Variants in SGCZ observed in about 807,000 individuals in gnomAD.
SGCZ encodes the protein sarcoglycan zeta, also known as zeta-sarcoglycan.
SGCZ carries 40 observed loss-of-function variants against 41.3 expected under a neutral mutation model. The observed-to-expected ratio is 0.97, with a 90% CI of 0.75 to 1.26. SGCZ has a LOEUF of 1.26. Ranked by LOEUF, SGCZ falls within the 50% of genes most tolerant of loss-of-function variation. SGCZ has a pLI of 0.00. For missense variants in SGCZ, 552 were observed against 369.8 expected (o/e 1.49, Z -4.04); for synonymous variants, 206 against 137.5 (o/e 1.50, Z -3.49).
chr8:14,967,514 G>A (rs1432617437), intron 1 of SGCZ, among the ~76,000 whole-genome samples: 2 of 152,032 alleles, frequency 1.3e-5, no homozygotes, highest in Non-Finnish European at 2.9e-5. Context: ...CTGATTTCCA[G>A]ACTCTCATAC....
At chr8:15,037,991 AGAAT>A (rs1803931802) in intron 1 of SGCZ, among the ~76,000 whole-genome samples, 2 of 152,160 alleles carry the variant, frequency 1.3e-5, no homozygotes, top group African/African-American at 4.8e-5. Context: ...TCATGTTCAT[AGAAT>A]GAAATAATTA....
chr8:14,297,256 G>A (rs1193080614), intron 3 of SGCZ, among the ~76,000 whole-genome samples: 2 of 151,814 alleles, frequency 1.3e-5, no homozygotes, highest in African/African-American at 4.8e-5. Context: ...TATAATTTGA[G>A]GATATAGATA....
At chr8:14,328,015 T>G (rs1241241587) in intron 2 of SGCZ, among the ~76,000 whole-genome samples, 1 of 152,194 alleles carries the variant, frequency 6.6e-6, no homozygotes, top group Non-Finnish European at 1.5e-5. Flanking sequence ...AACACCGTGT[T>G]GTAAATCTAA....
chr8:14,848,163 A>G (rs1338550767), intron 1 of SGCZ, among the ~76,000 whole-genome samples: 4 of 152,200 alleles, frequency 2.6e-5, no homozygotes, highest in Non-Finnish European at 5.9e-5. Flanking sequence ...TATGGTAAAT[A>G]ATGTTAGACA....
chr8:14,804,070 C>T (rs1467964715), intron 1 of SGCZ, among the ~76,000 whole-genome samples: 15 of 113,492 alleles, frequency 1.3e-4, no homozygotes, highest in African/African-American at 6.3e-4. Flanking sequence ...ACACCGAAAA[C>T]CCATCTGTAC....
At chr8:14,895,346 G>A (rs1474935823) in intron 1 of SGCZ, among the ~76,000 whole-genome samples, 2 of 152,044 alleles carry the variant, frequency 1.3e-5, no homozygotes, top group African/African-American at 4.8e-5. Flanking sequence ...GATCGAATGA[G>A]TTAAATAATT....
intron 1 of SGCZ, among the ~76,000 whole-genome samples, chr8:15,119,552 ACC>A (rs1563136331): frequency 7.1e-6 from 1 of 140,946 alleles, no homozygotes; most frequent in African/African-American, 3.2e-5. Context: ...AAAAAAAAAA[ACC>A]CTCCTAATTT....
chr8:14,204,220 T>C (rs1805545650), intron 4 of SGCZ, among the ~76,000 whole-genome samples: 1 of 151,780 alleles, frequency 6.6e-6, no homozygotes, highest in South Asian at 2.1e-4. Flanking sequence ...TTTGTTTGTG[T>C]CATATCTGTT....
chr8:14,274,794 C>G (rs1800174205), intron 3 of SGCZ, among the ~76,000 whole-genome samples: 1 of 151,968 alleles, frequency 6.6e-6, no homozygotes, highest in Admixed American at 6.5e-5. Context: ...ATAAGAAACA[C>G]TATTATCAAA....
intron 4 of SGCZ, among the ~76,000 whole-genome samples, chr8:14,196,065 A>G (rs1459706104): frequency 6.6e-6 from 1 of 152,126 alleles, no homozygotes; most frequent in East Asian, 1.9e-4. Context: ...TGGCTACTGT[A>G]TCTCTACAGT....
intron 2 of SGCZ, among the ~76,000 whole-genome samples, chr8:14,479,731 CTTTTTTTTT>C (rs529812029): frequency 4.2e-4 from 22 of 52,974 alleles, no homozygotes; most frequent in Non-Finnish European, 7.8e-4. Flanking sequence ...AATTCTACTT[CTTTTTTTTT>C]TTTTTTTTTT....
chr8:14,338,033 C>A (rs1190836666), intron 2 of SGCZ, among the ~76,000 whole-genome samples: 3 of 152,152 alleles, frequency 2.0e-5, no homozygotes, highest in Non-Finnish European at 4.4e-5. Flanking sequence ...AGGTCCTGTT[C>A]AATTGGTAGC....
At chr8:14,774,917 G>C (rs1800354912) in intron 1 of SGCZ, among the ~76,000 whole-genome samples, 1 of 151,998 alleles carries the variant, frequency 6.6e-6, no homozygotes, top group Non-Finnish European at 1.5e-5. Context: ...CTATATTAAG[G>C]GCCTTTGAAG....
At chr8:15,049,862 C>T (rs1431214380) in intron 1 of SGCZ, among the ~76,000 whole-genome samples, 1 of 152,138 alleles carries the variant, frequency 6.6e-6, no homozygotes, top group Non-Finnish European at 1.5e-5. Flanking sequence ...CCTGCACAAG[C>T]TGTCTTGCCT....
At chr8:14,654,629 T>C (rs558560122) in intron 1 of SGCZ, among the ~76,000 whole-genome samples, 9 of 152,146 alleles carry the variant, frequency 5.9e-5, no homozygotes, top group Non-Finnish European at 1.3e-4. Flanking sequence ...TGGAATGCAA[T>C]GGCGTGATCT....
intron 2 of SGCZ, among the ~76,000 whole-genome samples, chr8:14,490,622 T>C (rs1423752630): frequency 6.6e-6 from 1 of 152,202 alleles, no homozygotes; most frequent in Non-Finnish European, 1.5e-5. Flanking sequence ...AGTGTTGATT[T>C]GATCATCCAA....
At chr8:15,214,783 C>T (rs1432560939) in intron 1 of SGCZ, among the ~76,000 whole-genome samples, 1 of 152,094 alleles carries the variant, frequency 6.6e-6, no homozygotes, top group East Asian at 1.9e-4. Context: ...CCTATCTAGG[C>T]CGCTGATGGT....
chr8:14,747,660 CATTATTATTATT>C (rs151163754), intron 1 of SGCZ, among the ~76,000 whole-genome samples: 1 of 139,500 alleles, frequency 7.2e-6, no homozygotes, highest in Non-Finnish European at 1.5e-5. Context: ...GGGTACAAGG[CATTATTATTATT>C]ATTATTATTA....
intron 2 of SGCZ, among the ~76,000 whole-genome samples, chr8:14,410,463 C>G (rs1244964254): frequency 6.6e-6 from 1 of 150,806 alleles, no homozygotes; most frequent in Admixed American, 6.6e-5. Flanking sequence ...TAGAAGTGTT[C>G]TATTTCAAAA....
Sources: gnomAD v4.1 joint callset for allele counts (sites outside exome capture counted in the v4.1 genomes callset) on GRCh38, gnomAD v4.1.1 for gene constraint, MANE v1.5 for transcripts, NCBI Gene and HGNC (gene_info 2026-07-23, HGNC 2026-07-21) for gene names.